The following SUSD4 variants were observed in gnomAD, a reference collection of about 807,000 sequenced individuals.
SUSD4 encodes the protein sushi domain containing 4.
A neutral mutation model predicts 50.5 loss-of-function variants in SUSD4; 41 were observed. The observed-to-expected ratio is 0.81, with a 90% CI of 0.63 to 1.05. SUSD4 has a LOEUF of 1.05. SUSD4 is among the 50% of genes least tolerant of loss of function. SUSD4 has a pLI of 0.00. For synonymous variants in SUSD4, 257 were observed against 257.3 expected (o/e 1.00, Z 0.01); for missense variants, 580 against 634.7 (o/e 0.91, Z 0.93).
intron 2 of SUSD4, among the ~76,000 whole-genome samples, chr1:223,321,253 G>A (rs1007256336): frequency 2.0e-5 from 3 of 152,168 alleles, no homozygotes; most frequent in Non-Finnish European, 4.4e-5. Context: ...AGCATTTTGG[G>A]AGGCAGTACA....
intron 4 of SUSD4, among the ~76,000 whole-genome samples, chr1:223,266,068 G>A (rs1462407942): frequency 6.6e-6 from 1 of 152,126 alleles, no homozygotes; most frequent in Non-Finnish European, 1.5e-5. Context: ...AGGGTAAGGC[G>A]GGTGCAGAAT....
At chr1:223,359,225 C>A (rs1558283211) in intron 2 of SUSD4, 1 of 453,174 alleles carries the variant, frequency 2.2e-6, no homozygotes, top group Non-Finnish European at 4.6e-6. Context: ...CTTTCAGAAC[C>A]CCTATTGGAG....
chr1:223,284,169 A>G (rs1213550192), intron 3 of SUSD4, among the ~76,000 whole-genome samples: 1 of 152,150 alleles, frequency 6.6e-6, no homozygotes, highest in Non-Finnish European at 1.5e-5. Context: ...AACATGGCAC[A>G]TGTATACATA....
At chr1:223,353,969 TGCAGC>T (rs1346517612) in intron 2 of SUSD4, among the ~76,000 whole-genome samples, 4 of 150,644 alleles carry the variant, frequency 2.7e-5, no homozygotes, top group African/African-American at 4.9e-5. Context: ...AGGCAGAAGC[TGCAGC>T]GAGCCGAGAT....
intron 5 of SUSD4, among the ~76,000 whole-genome samples, chr1:223,237,778 T>C (rs1424623518): frequency 6.6e-6 from 1 of 152,044 alleles, no homozygotes; most frequent in Non-Finnish European, 1.5e-5. Context: ...TGCATCTATG[T>C]TCATGAAAGA....
chr1:223,356,374 G>A (rs1668666587), intron 2 of SUSD4, among the ~76,000 whole-genome samples: 1 of 151,676 alleles, frequency 6.6e-6, no homozygotes, highest in Non-Finnish European at 1.5e-5. Flanking sequence ...CCTTTTAGGG[G>A]GAACTTCTAC....
intron 5 of SUSD4, among the ~76,000 whole-genome samples, chr1:223,253,391 T>A (rs894576585): frequency 2.6e-5 from 4 of 151,360 alleles, no homozygotes; most frequent in Non-Finnish European, 4.4e-5. Flanking sequence ...ACCATTTCTA[T>A]GAAAAAAATG....
chr1:223,235,850 A>G (rs969684909), intron 5 of SUSD4, among the ~76,000 whole-genome samples: 7 of 152,196 alleles, frequency 4.6e-5, no homozygotes, highest in Non-Finnish European at 8.8e-5. Flanking sequence ...TGGTGTGGAC[A>G]TAAGTTTTCA....
At chr1:223,261,354 T>C (rs1330312902) in intron 5 of SUSD4, among the ~76,000 whole-genome samples, 1 of 152,216 alleles carries the variant, frequency 6.6e-6, no homozygotes, top group Non-Finnish European at 1.5e-5. Flanking sequence ...ACAATGTACC[T>C]TGGTGATCAA....
intron 3 of SUSD4, among the ~76,000 whole-genome samples, chr1:223,271,927 C>G (rs184022447): frequency 6.6e-6 from 1 of 152,144 alleles, no homozygotes; most frequent in South Asian, 2.1e-4. Flanking sequence ...ATAAACTAAT[C>G]TAGTCAATAG....
At chr1:223,245,544 C>T (rs576254156) in intron 5 of SUSD4, among the ~76,000 whole-genome samples, 2 of 152,078 alleles carry the variant, frequency 1.3e-5, no homozygotes, top group East Asian at 1.9e-4. Context: ...GGGAGGCAGG[C>T]GGGACACTGT....
intron 3 of SUSD4, among the ~76,000 whole-genome samples, chr1:223,271,990 G>GCCT (rs1233503812): frequency 2.0e-5 from 3 of 152,194 alleles, no homozygotes; most frequent in Admixed American, 6.5e-5. Flanking sequence ...ACTTTGGGAG[G>GCCT]CCGAGGTGGG....
intron 2 of SUSD4, among the ~76,000 whole-genome samples, chr1:223,345,533 C>T (rs192370278): frequency 1.9e-4 from 29 of 152,310 alleles, no homozygotes; most frequent in African/African-American, 7.0e-4. Flanking sequence ...AGGGGGATCC[C>T]TCACAGTCCC....
chr1:223,256,142 C>T (rs911895266), intron 5 of SUSD4, among the ~76,000 whole-genome samples: 1 of 152,166 alleles, frequency 6.6e-6, no homozygotes, highest in Non-Finnish European at 1.5e-5. Context: ...CATGGTATTG[C>T]CCTCTCCCTC....
chr1:223,363,224 C>G (rs2102611047), intron 2 of SUSD4, 54 bp downstream of exon 2: 1 of 1,447,948 alleles, frequency 6.9e-7, no homozygotes, highest in East Asian at 2.5e-5. Flanking sequence ...CAGCTAGGCT[C>G]TTTCTCCCCT....
chr1:223,278,327 G>A (rs1663427613), intron 3 of SUSD4, among the ~76,000 whole-genome samples: 1 of 152,116 alleles, frequency 6.6e-6, no homozygotes. Context: ...AAGGGGAGGG[G>A]TGACAGATGG....
intron 5 of SUSD4, among the ~76,000 whole-genome samples, chr1:223,256,578 G>T (rs1029184712): frequency 6.6e-6 from 1 of 152,130 alleles, no homozygotes; most frequent in Non-Finnish European, 1.5e-5. Flanking sequence ...GCCAGCATTG[G>T]GGGGAGAAGC....
chr1:223,250,353 T>A (rs534002357), intron 5 of SUSD4, among the ~76,000 whole-genome samples: 1 of 152,318 alleles, frequency 6.6e-6, no homozygotes, highest in East Asian at 1.9e-4. Flanking sequence ...AGTAATGACA[T>A]TTCACAAGAA....
chr1:223,253,296 T>G (rs1388299985), intron 5 of SUSD4, among the ~76,000 whole-genome samples: 1 of 151,340 alleles, frequency 6.6e-6, no homozygotes, highest in African/African-American at 2.4e-5. Flanking sequence ...CATTATCTTT[T>G]TACAGAACGC....
Sources: gnomAD v4.1 joint callset for allele counts (sites outside exome capture counted in the v4.1 genomes callset) on GRCh38, gnomAD v4.1.1 for gene constraint, MANE v1.5 for transcripts, NCBI Gene and HGNC (gene_info 2026-07-23, HGNC 2026-07-21) for gene names.